The following GTF3C1 variants were observed in gnomAD, a reference collection of about 807,000 sequenced individuals.
The protein encoded by GTF3C1 is general transcription factor 3C polypeptide 1.
GTF3C1 carries 57 observed loss-of-function variants against 226.7 expected under a neutral mutation model. The observed-to-expected ratio is 0.25, with a 90% confidence interval of 0.20 to 0.31. GTF3C1 has a LOEUF of 0.31. Ranked by LOEUF, GTF3C1 falls within the 10% of genes least tolerant of loss-of-function variation. GTF3C1 has a pLI of 1.00. For missense variants in GTF3C1, 2,217 were observed against 2,776.1 expected (o/e 0.80, Z 4.53); for synonymous variants, 1,090 against 1,084.8 (o/e 1.00, Z -0.09).
At chr16:27,521,441 C>G (rs1408984177) in intron 6 of GTF3C1, among the ~76,000 whole-genome samples, 2 of 152,254 alleles carry the variant, frequency 1.3e-5, no homozygotes, top group African/African-American at 2.4e-5. Flanking sequence ...GTGTGCTCTT[C>G]TGAGAAACAC....
intron 2 of GTF3C1, 84 bp from the exon 3 acceptor site, chr16:27,538,440 C>T: frequency 1.2e-6 from 1 of 815,682 alleles, no homozygotes; most frequent in Non-Finnish European, 1.9e-6. Context: ...TGTGCAGAAT[C>T]CTCATTTCCT....
chr16:27,497,978 A>T (rs963555983), intron 13 of GTF3C1, among the ~76,000 whole-genome samples, 157 bp from the exon 14 acceptor site: 1 of 152,156 alleles, frequency 6.6e-6, no homozygotes, highest in African/African-American at 2.4e-5. Context: ...ACAAAATGTC[A>T]GGTCACTGAA....
Position 27,536,039 on chromosome 16 carries a change from G to C in GTF3C1, c.752+1745C>G, listed in dbSNP as rs578207499. Among the ~76,000 whole-genome samples the C allele has an allele frequency of 5.3e-5, 8 of 152,340 alleles. No homozygotes were observed. In the South Asian group the frequency reaches 1.7e-3, roughly 32 times the overall value. On this transcript the variant is annotated intron_variant, in intron 4 of 36. Transcript: ENST00000356183. ...TAAATTGCTTGACATGTACTGTAGAGTGAGGTCTGCAGCTGCGACTGCCCG... is the reference window on the plus strand; with the variant it reads ...TAAATTGCTTGACATGTACTGTAGACTGAGGTCTGCAGCTGCGACTGCCCG...
Position 27,508,583 on chromosome 16 carries a change from G to C in GTF3C1, c.1199C>G (p.Ala400Gly). The C allele has an allele frequency of 6.2e-7, 1 of 1,614,134 alleles. No individual in the cohort carries two copies. Among genetic ancestry groups the C allele is most frequent in the Middle Eastern group, 1.6e-4 (1 of 6,062 alleles). ...RVAMNVGKLEARMLCRLLQRF... is the reference protein window; with the variant it reads ...RVAMNVGKLEGRMLCRLLQRF... ...TTGAAGAAGTCGGCACAGCATTCTT[G>C]CTTCTAGTTTTCCCACATTCATAGC... is the stretch of plus-strand genomic sequence containing the variant. Residue 400 changes from alanine (A) to glycine (G), a missense_variant, in exon 8 of 37, where the codon GCA becomes GGA. Coordinates refer to ENST00000356183, the MANE Select transcript of GTF3C1 (RefSeq NM_001520.4).
chr16:27,542,879 G>A (rs149017965), intron 2 of GTF3C1, among the ~76,000 whole-genome samples: 37 of 152,320 alleles, frequency 2.4e-4, no homozygotes, highest in African/African-American at 7.7e-4. Flanking sequence ...CTGCAGCACT[G>A]TGAACTAAAT....
chr16:27,485,426 G>A lies in GTF3C1; in HGVS notation c.3858+571C>T, dbSNP rs139420772. On this transcript the variant is annotated intron_variant, in intron 24 of 36. Transcript: ENST00000356183. Reference sequence around the variant, plus strand: ...AGAGGTGACAGAAACAGCATGAGAAGTATCCGGCCAAGAACAGAGAATGAG... The same window carrying A: ...AGAGGTGACAGAAACAGCATGAGAAATATCCGGCCAAGAACAGAGAATGAG... Among the ~76,000 whole-genome samples, 13 of 152,376 alleles carry A rather than the reference G, an allele frequency of 8.5e-5. No homozygotes were observed. The East Asian group carries it at 2.1e-3, about 25-fold the overall frequency.
Position 27,502,883 on chromosome 16 carries a change from A to C in GTF3C1, c.1883T>G (p.Leu628Arg), listed in dbSNP as rs2088427443. 6.2e-7 allele frequency: 1 copy of C among 1,600,202 alleles called. No individual in the cohort carries two copies. Among genetic ancestry groups the C allele is most frequent in the Non-Finnish European group, 8.5e-7 (1 of 1,172,848 alleles). ...CGTGAATAAACTCTCGATTAAGCGA[A>C]GATTGGTGACAGCTTCTATGATCAG... The part of the protein sequence containing the change: ...RNLIIEAVTN[L>R]RLIESLFTIQ... Residue 628 changes from leucine (L) to arginine (R), a missense_variant, in exon 11 of 37, where the codon CTT becomes CGT. By Grantham distance (102) the Leu-to-Arg change is moderately radical (BLOSUM62 -2). This residue lies in a region of GTF3C1 where 52 missense variants were observed against 110.8 expected (regional missense o/e 0.47). Coordinates refer to ENST00000356183, the MANE Select transcript of GTF3C1 (RefSeq NM_001520.4).
rs758357323 is a variant in GTF3C1 at position 27,469,387 on chromosome 16, G to T, written c.4978C>A (p.Arg1660Ser). 6.2e-7 allele frequency: 1 copy of T among 1,612,964 alleles called. No homozygotes were observed. Among genetic ancestry groups the T allele is most frequent in the Non-Finnish European group, 8.5e-7 (1 of 1,179,630 alleles). Residue 1660 changes from arginine to serine, a missense_variant, in exon 32 of 37, where the codon CGC becomes AGC. Transcript: ENST00000356183. The surrounding 1 kb of genome is among the most constrained non-coding windows in gnomAD (Gnocchi z 4.5). Reference protein sequence around the residue: ...GYYSPGIVSTRNLNPNDSIVV... With the variant: ...GYYSPGIVSTSNLNPNDSIVV... The stretch of plus-strand genomic sequence containing the variant: ...ATGCTGTCGTTGGGGTTGAGGTTGC[G>T]GGTGCTGACGATGCCGGGGGAGTAG...
At chr16:27,476,607 C>G in intron 28 of GTF3C1, 63 bp from the exon 29 acceptor site, 1 of 921,352 alleles carries the variant, frequency 1.1e-6, no homozygotes, top group Non-Finnish European at 1.7e-6. Context: ...CAGGCAGATG[C>G]AATTCTTAGG....
Position 27,470,703 on chromosome 16 carries a change from AC to A in GTF3C1, c.4527-309del, listed in dbSNP as rs2087854655. On this transcript the variant is annotated intron_variant, in intron 30 of 36. Coordinates refer to ENST00000356183, the MANE Select transcript of GTF3C1 (RefSeq NM_001520.4). The surrounding 1 kb of genome is among the most constrained non-coding windows in gnomAD (Gnocchi z 4.9). ...CTCACCTTACAGGGGCTCACTGTACACAGCTGCTGAACTAGGGATGGTGAAC... is the reference window on the plus strand; with the variant it reads ...CTCACCTTACAGGGGCTCACTGTACAAGCTGCTGAACTAGGGATGGTGAAC... 2.7e-6 allele frequency: 1 copy of A among 372,232 alleles called. No individual in the cohort carries two copies. The highest frequency in any genetic ancestry group is 3.0e-5 in the South Asian group (1 of 32,980). The allele number at this position is 372,232 out of a possible 1,614,324, so 23.1% of individuals were successfully genotyped here.
chr16:27,489,506 GCCTGA>G, intron 20 of GTF3C1, 91 bp downstream of exon 20: 1 of 975,956 alleles, frequency 1.0e-6, no homozygotes, highest in Non-Finnish European at 1.5e-6. Flanking sequence ...AGGCCGTCTG[GCCTGA>G]CATCCTAAGC....
intron 6 of GTF3C1, among the ~76,000 whole-genome samples, chr16:27,518,707 T>C (rs952711423): frequency 6.6e-6 from 1 of 151,888 alleles, no homozygotes; most frequent in African/African-American, 2.4e-5. Flanking sequence ...CTACAAAAGG[T>C]TGTGTGTGTG....
chr16:27,490,509 C>T (rs1437971468), intron 19 of GTF3C1, among the ~76,000 whole-genome samples: 1 of 152,128 alleles, frequency 6.6e-6, no homozygotes, highest in Non-Finnish European at 1.5e-5. Context: ...CCTTGCCCAA[C>T]TTCACCTTGG....
chr16:27,501,076 T>G (rs1379220767), intron 12 of GTF3C1, 115 bp downstream of exon 12: 2 of 857,050 alleles, frequency 2.3e-6, no homozygotes. Context: ...TAATGGGAAA[T>G]TCCAAGTCAC....
chr16:27,533,333 C>A lies in GTF3C1; in HGVS notation c.807G>T (p.Arg269=), dbSNP rs34662306. 1.3e-3 allele frequency: 2,095 copies of A among 1,609,096 alleles called. 22 individuals carry two copies. In the African/African-American group the frequency reaches 0.025, roughly 19 times the overall value. Residue 269 remains arginine (R), a synonymous_variant, in exon 5 of 37, where the codon CGG becomes CGT. Transcript: ENST00000356183. ...MEKLSVMLST[R]TNHIETLGKL... is the part of the protein sequence containing the mutation. ...TTCCCAGCGTCTCTATGTGGTTAGT[C>A]CGTGTGCTCAGCATGACCGAAAGCT...
At chr16:27,476,648 C>T in intron 28 of GTF3C1, 104 bp from the exon 29 acceptor site, 2 of 680,816 alleles carry the variant, frequency 2.9e-6, no homozygotes, top group Non-Finnish European at 5.3e-6. Context: ...AAAAGGGACA[C>T]AAATGCCAAA....
chr16:27,472,896 G>T (rs561970298), intron 29 of GTF3C1, among the ~76,000 whole-genome samples: 2 of 152,142 alleles, frequency 1.3e-5, no homozygotes, highest in African/African-American at 4.8e-5. Flanking sequence ...TCATTGTTTG[G>T]AAGTCCCAGG....
rs142719242 is a variant in GTF3C1 at position 27,524,924 on chromosome 16, C to T, written c.973+3674G>A. ...ATCCCAGCACTTTGGGAGGCTGAGGCGGGCAGATCACCTGAGGTCAGGGGT... is the reference window on the plus strand; with the variant it reads ...ATCCCAGCACTTTGGGAGGCTGAGGTGGGCAGATCACCTGAGGTCAGGGGT... On this transcript the variant is annotated intron_variant, in intron 6 of 36. Coordinates refer to ENST00000356183, the MANE Select transcript of GTF3C1 (RefSeq NM_001520.4). Among the ~76,000 whole-genome samples, 247 of 152,210 alleles carry T rather than the reference C, an allele frequency of 1.6e-3. 1 individual carries two copies. The highest frequency in any genetic ancestry group is 5.6e-3 in the African/African-American group (234 of 41,552).
Position 27,489,136 on chromosome 16 carries a change from A to G in GTF3C1, c.3336T>C (p.Asp1112=), listed in dbSNP as rs1363157015. 2 of 1,614,110 alleles carry G rather than the reference A, an allele frequency of 1.2e-6. No individual in the cohort carries two copies. The highest frequency in any genetic ancestry group is 2.2e-5 in the East Asian group (1 of 44,870). Residue 1112 remains aspartate, a synonymous_variant, in exon 21 of 37, where the codon GAT becomes GAC. Transcript: ENST00000356183. The part of the protein sequence containing the change: ...EVVDEGLIPG[D]GLGAAGLDSS... ...AATCGAGCCCTGCGGCACCCAGCCC[A>G]TCTCCAGGGATCAAGCCTTCATCCA...
Sources: gnomAD v4.1 joint callset for allele counts (sites outside exome capture counted in the v4.1 genomes callset) on GRCh38, gnomAD v4.1.1 for gene constraint, gnomAD v4.1.1 regional missense constraint, Gnocchi (gnomAD v3.1) non-coding constraint, MANE v1.5 for transcripts, NCBI Gene and HGNC (gene_info 2026-07-23, HGNC 2026-07-21) for gene names.